The following SPPL3 variants were observed in gnomAD, a reference collection of about 807,000 sequenced individuals.
The protein encoded by SPPL3 is signal peptide peptidase-like 3.
A neutral mutation model predicts 42.4 loss-of-function variants in SPPL3; 5 were observed. That is an observed-to-expected ratio of 0.12 (90% confidence interval 0.06 to 0.25). The LOEUF (loss-of-function observed/expected upper bound fraction) is 0.25. Among genes scored for constraint, SPPL3 ranks in the 10% least tolerant of loss-of-function variants. The pLI, the probability that SPPL3 is intolerant of heterozygous loss-of-function variation, is 1.00. For missense variants in SPPL3, 235 were observed against 489.0 expected, an observed-to-expected ratio of 0.48 and a Z score of 4.90; for synonymous variants, 195 against 181.8, an observed-to-expected ratio of 1.07 and a Z score of -0.58.
At chr12:120,805,950 T>C (rs708788) in intron 2 of SPPL3, among the ~76,000 whole-genome samples, 11,142 of 150,932 alleles carry the variant, frequency 0.074, 755 homozygotes, top group African/African-American at 0.18. Flanking sequence ...AGATAGCAAT[T>C]TTCCTCAAAC....
intron 6 of SPPL3, among the ~76,000 whole-genome samples, chr12:120,775,216 T>G (rs1416210365): frequency 6.6e-6 from 1 of 152,164 alleles, no homozygotes; most frequent in East Asian, 1.9e-4. Context: ...AGTGGTGCAA[T>G]CTCAGCTCAC....
At chr12:120,845,494 C>T (rs1566058882) in intron 1 of SPPL3, 1 of 429,130 alleles carries the variant, frequency 2.3e-6, no homozygotes, top group Non-Finnish European at 4.6e-6. Context: ...TCCATGGTTT[C>T]CACGTTGAAG....
intron 1 of SPPL3, among the ~76,000 whole-genome samples, chr12:120,871,421 T>TC (rs1035870342): frequency 6.6e-6 from 1 of 152,012 alleles, no homozygotes; most frequent in African/African-American, 2.4e-5. Flanking sequence ...GATTCCAGGA[T>TC]CCCCCTTGGA....
chr12:120,850,733 G>A (rs148827090), intron 1 of SPPL3, among the ~76,000 whole-genome samples: 6 of 152,264 alleles, frequency 3.9e-5, no homozygotes, highest in African/African-American at 1.2e-4. Context: ...ATCTGACATC[G>A]GTTTTATAGG....
At chr12:120,832,666 CAA>C (rs755991061) in intron 1 of SPPL3, among the ~76,000 whole-genome samples, 2 of 135,352 alleles carry the variant, frequency 1.5e-5, no homozygotes, top group African/African-American at 2.7e-5. Flanking sequence ...AACTCCGTCT[CAA>C]AAAAAAAAAA....
At chr12:120,767,006 C>T (rs994277473) in intron 9 of SPPL3, among the ~76,000 whole-genome samples, 1 of 152,232 alleles carries the variant, frequency 6.6e-6, no homozygotes, top group Non-Finnish European at 1.5e-5. Context: ...GGCTACAAAA[C>T]TTGGCCTAGG....
intron 1 of SPPL3, among the ~76,000 whole-genome samples, chr12:120,816,650 T>TA (rs1870886595): frequency 6.6e-6 from 1 of 152,188 alleles, no homozygotes; most frequent in South Asian, 2.1e-4. Context: ...CAGCCAGGAC[T>TA]GCAGGTGTGA....
intron 2 of SPPL3, among the ~76,000 whole-genome samples, chr12:120,794,526 T>C (rs961562749): frequency 6.6e-6 from 1 of 152,122 alleles, no homozygotes; most frequent in African/African-American, 2.4e-5. Context: ...GCCTCCCGAG[T>C]AGCTGGGACT....
At chr12:120,858,603 C>T (rs192990731) in intron 1 of SPPL3, among the ~76,000 whole-genome samples, 12 of 152,022 alleles carry the variant, frequency 7.9e-5, no homozygotes, top group South Asian at 4.1e-4. Context: ...GAACAACCAA[C>T]GGGTAACAGA....
intron 1 of SPPL3, among the ~76,000 whole-genome samples, chr12:120,820,563 G>T (rs1374846251): frequency 2.0e-5 from 3 of 152,028 alleles, no homozygotes; most frequent in Middle Eastern, 3.4e-3. Context: ...TGATCTGCCC[G>T]CCTCGGCCTC....
chr12:120,869,002 A>G (rs1470109488), intron 1 of SPPL3, among the ~76,000 whole-genome samples: 9 of 152,214 alleles, frequency 5.9e-5, no homozygotes, highest in Admixed American at 5.9e-4. Context: ...TATTGAAATT[A>G]TATTAATAGT....
chr12:120,867,843 G>T (rs1566065047), intron 1 of SPPL3, among the ~76,000 whole-genome samples: 1 of 151,662 alleles, frequency 6.6e-6, no homozygotes, highest in Non-Finnish European at 1.5e-5. Context: ...CACCTCCCGG[G>T]TTCAAGTGAT....
At chr12:120,811,435 C>T (rs936989764) in intron 1 of SPPL3, 3 of 152,312 alleles carry the variant, frequency 2.0e-5, no homozygotes, top group Non-Finnish European at 2.9e-5. Flanking sequence ...CTGATCCTCT[C>T]AAGGAATGGT....
intron 1 of SPPL3, among the ~76,000 whole-genome samples, chr12:120,887,437 C>A (rs867336840): frequency 9.9e-5 from 15 of 152,146 alleles, no homozygotes; most frequent in Admixed American, 5.9e-4. Flanking sequence ...CTCACCGCCA[C>A]TTCCACCCAC....
intron 2 of SPPL3, among the ~76,000 whole-genome samples, chr12:120,803,536 A>T (rs1400930945): frequency 1.3e-5 from 2 of 152,090 alleles, no homozygotes; most frequent in East Asian, 3.8e-4. Context: ...AGGAGTGAAA[A>T]AATGAAAAAA....
intron 1 of SPPL3, among the ~76,000 whole-genome samples, chr12:120,824,016 G>A (rs1032064368): frequency 1.2e-4 from 18 of 151,762 alleles, no homozygotes; most frequent in Admixed American, 2.0e-4. Context: ...GACTACAGGC[G>A]CCCGCCACCA....
chr12:120,772,733 G>A (rs928551058), intron 6 of SPPL3, among the ~76,000 whole-genome samples: 3 of 152,114 alleles, frequency 2.0e-5, no homozygotes, highest in Admixed American at 1.3e-4. Flanking sequence ...CTGTGTGCAC[G>A]GTGCTAATAT....
intron 1 of SPPL3, 126 bp downstream of exon 1, chr12:120,903,719 C>A: frequency 3.0e-6 from 2 of 667,434 alleles, no homozygotes. Flanking sequence ...GGGGGGCGTG[C>A]ACCCCAACCC....
intron 1 of SPPL3, among the ~76,000 whole-genome samples, chr12:120,874,283 T>A (rs1301347377): frequency 1.3e-5 from 2 of 151,770 alleles, no homozygotes. Context: ...TGAAACCCCA[T>A]CTCTACTAAA....
Sources: allele counts gnomAD v4.1 joint callset (sites outside exome capture counted in the v4.1 genomes callset), GRCh38; gene constraint gnomAD v4.1.1; transcripts MANE v1.5; gene names NCBI Gene and HGNC (gene_info 2026-07-23, HGNC 2026-07-21).